Variants in ATG3 observed in about 807,000 individuals in gnomAD.
The protein encoded by ATG3 is ubiquitin-like-conjugating enzyme ATG3.
ATG3 carries 25 observed loss-of-function variants against 50.7 expected under a neutral mutation model. The ratio of observed to expected loss-of-function variants is 0.49; its 90% CI spans 0.36 to 0.69. The LOEUF is 0.69. Ranked by LOEUF, ATG3 falls within the 30% of genes least tolerant of loss-of-function variation. ATG3 has a pLI of 0.00. For synonymous variants in ATG3, 119 were observed against 125.5 expected (o/e 0.95, Z 0.34); for missense variants, 281 against 376.0 (o/e 0.75, Z 2.09).
At chr3:112,544,499 C>T (rs1476240756) in intron 5 of ATG3, among the ~76,000 whole-genome samples, 2 of 151,654 alleles carry the variant, frequency 1.3e-5, no homozygotes, top group African/African-American at 4.8e-5. Context: ...ACTAAAAATA[C>T]AAAAGTTAGC....
chr3:112,540,920 G>A (rs1045158751), intron 7 of ATG3, among the ~76,000 whole-genome samples: 1 of 152,130 alleles, frequency 6.6e-6, no homozygotes, highest in South Asian at 2.1e-4. Flanking sequence ...AGATTATCAT[G>A]CTCATGAAAT....
intron 2 of ATG3, among the ~76,000 whole-genome samples, chr3:112,554,206 G>A (rs1341275700): frequency 2.6e-5 from 4 of 152,142 alleles, no homozygotes; most frequent in Non-Finnish European, 5.9e-5. Flanking sequence ...GCATTGTCAG[G>A]CCTCTGAGCC....
intron 6 of ATG3, among the ~76,000 whole-genome samples, chr3:112,542,301 C>T (rs939610124): frequency 1.3e-5 from 2 of 152,126 alleles, no homozygotes; most frequent in African/African-American, 4.8e-5. Flanking sequence ...AACACTATTA[C>T]ATTCTAATTT....
intron 1 of ATG3, 62 bp downstream of exon 1, chr3:112,561,395 G>A (rs1576734449): frequency 7.8e-6 from 12 of 1,546,982 alleles, no homozygotes; most frequent in Admixed American, 6.7e-5. Context: ...CTCCTGCGGC[G>A]CCTGGTCCCT....
chr3:112,549,421 A>C (rs1424544172), intron 4 of ATG3, among the ~76,000 whole-genome samples: 1 of 152,226 alleles, frequency 6.6e-6, no homozygotes, highest in African/African-American at 2.4e-5. Context: ...ATAATGAGTA[A>C]ATTGGAACAG....
intron 7 of ATG3, 62 bp from the exon 8 acceptor site, chr3:112,538,242 A>C (rs1387790287): frequency 7.8e-7 from 1 of 1,280,706 alleles, no homozygotes; most frequent in Admixed American, 2.4e-5. Context: ...CCCTAAACCA[A>C]TTTAAGTATT....
intron 3 of ATG3, among the ~76,000 whole-genome samples, chr3:112,552,862 G>C (rs1412185910): frequency 6.6e-6 from 1 of 151,980 alleles, no homozygotes; most frequent in Non-Finnish European, 1.5e-5. Context: ...TAGCCAGGAT[G>C]GTCTCCATCT....
At chr3:112,558,088 C>T in intron 2 of ATG3, 1 of 369,534 alleles carries the variant, frequency 2.7e-6, no homozygotes, top group Non-Finnish European at 4.9e-6. Flanking sequence ...CTCAATATAA[C>T]ACCAATACAA....
At chr3:112,548,716 T>C (rs1933441542) in intron 4 of ATG3, 76 bp from the exon 5 acceptor site, 56 of 1,298,314 alleles carry the variant, frequency 4.3e-5, no homozygotes, top group Non-Finnish European at 6.2e-5. Context: ...GAAGAGAGCT[T>C]AGTCCATAAA....
chr3:112,532,876 CA>C (rs1024690377), intron 11 of ATG3, 96 bp from the exon 12 acceptor site: 14 of 1,331,130 alleles, frequency 1.1e-5, no homozygotes, highest in East Asian at 5.6e-5. Context: ...ATTAATTTCT[CA>C]AAAAAACCCC....
rs1424493809 is a variant in ATG3, at chr3:112,550,299, T to C, written c.165-37A>G. ...GTGAAAAGCACCAAAATACAAAACATATTTTAATAGGCAAATATACAGCAG... is the reference window on the plus strand; with the variant it reads ...GTGAAAAGCACCAAAATACAAAACACATTTTAATAGGCAAATATACAGCAG... On this transcript the variant is annotated intron_variant, in intron 3 of 11. Coordinates refer to ENST00000283290, the MANE Select transcript of ATG3 (RefSeq NM_022488.5). The C allele has an allele frequency of 3.4e-6, 5 of 1,474,078 alleles. No individual in the cohort carries two copies. In the East Asian group the frequency reaches 6.8e-5, roughly 20 times the overall value. The allele number at this position is 1,474,078 out of a possible 1,614,324, so 91.3% of individuals were successfully genotyped here.
chr3:112,550,404 C>T (rs1933496843), intron 3 of ATG3, 142 bp from the exon 4 acceptor site: 2 of 640,808 alleles, frequency 3.1e-6, no homozygotes, highest in Admixed American at 6.2e-5. Context: ...GGGAAGGACT[C>T]CATTAAGTAA....
Position 112,544,044 on chromosome 3 carries a change from A to C in ATG3, c.393+13T>G. 6.4e-7 allele frequency: 1 copy of C among 1,561,622 alleles called. No individual in the cohort carries two copies. Among genetic ancestry groups the C allele is most frequent in the East Asian group, 2.2e-5 (1 of 44,516 alleles). ...ACTCATTAAATTTAAAAATATAACT[A>C]ATTAACCAGTACCTTATTTTCCAGT... On this transcript the variant is annotated intron_variant, in intron 6 of 11. Coordinates refer to ENST00000283290, the MANE Select transcript of ATG3 (RefSeq NM_022488.5).
rs200812142 is a variant in ATG3, at chr3:112,544,671, G to T, written c.344-565C>A. 4.0e-4 allele frequency among the ~76,000 whole-genome samples: 12 copies of T among 29,974 alleles called. 1 individual carries two copies. The South Asian group carries it at 0.013, about 32-fold the overall frequency. The allele number at this position is 29,974 out of a possible 152,430, so 19.7% of individuals were successfully genotyped here. ...CTCCGTCTCAGGGAAAAAAAAAAAA[G>T]GAAAGACAAGAGTTTAAAAAAACTA... On this transcript the variant is annotated intron_variant, in intron 5 of 11. Transcript: ENST00000283290.
At position 112,561,766 on chromosome 3, in the gene ATG3, G is replaced by A. The variant is rs1238249251; in HGVS notation, c.-238C>T. The A allele has an allele frequency of 7.8e-6, 4 of 511,620 alleles. No individual in the cohort carries two copies. Among genetic ancestry groups the A allele is most frequent in the South Asian group, 2.4e-5 (1 of 41,806 alleles). The allele number at this position is 511,620 out of a possible 1,614,324, so 31.7% of individuals were successfully genotyped here. A position where few individuals can be genotyped will look rare whatever the true frequency, so the allele number is the denominator to read the frequency against. Reference sequence around the variant, plus strand: ...CACCCCAGGCAGCCCGCGACGGACCGGACCCAGCTGTCACCCAGCCGCGAG... The same window carrying A: ...CACCCCAGGCAGCCCGCGACGGACCAGACCCAGCTGTCACCCAGCCGCGAG... On this transcript the variant is annotated 5_prime_UTR_variant, in exon 1 of 12. Coordinates refer to ENST00000283290, the MANE Select transcript of ATG3 (RefSeq NM_022488.5).
chr3:112,552,795 C>T (rs940391879), intron 3 of ATG3, among the ~76,000 whole-genome samples: 2 of 151,754 alleles, frequency 1.3e-5, no homozygotes, highest in African/African-American at 2.4e-5. Context: ...GGACCACAGA[C>T]GCCTGCCACC....
chr3:112,557,574 C>T (rs964584497), intron 2 of ATG3, among the ~76,000 whole-genome samples: 8 of 151,974 alleles, frequency 5.3e-5, no homozygotes, highest in Non-Finnish European at 7.4e-5. Flanking sequence ...GCCAAGATCG[C>T]GCCACTGTGC....
intron 10 of ATG3, 96 bp from the exon 11 acceptor site, chr3:112,534,433 T>G: frequency 1.1e-6 from 1 of 870,064 alleles, no homozygotes; most frequent in Non-Finnish European, 1.6e-6. Flanking sequence ...ACCCTATTAC[T>G]CTCAGTGAAT....
At chr3:112,561,194 G>A (rs942930457) in intron 1 of ATG3, among the ~76,000 whole-genome samples, 4 of 152,148 alleles carry the variant, frequency 2.6e-5, no homozygotes, top group Non-Finnish European at 5.9e-5. Flanking sequence ...CTTCCAACCC[G>A]ACGTACCCGA....
Sources: gnomAD v4.1 joint callset for allele counts (sites outside exome capture counted in the v4.1 genomes callset) on GRCh38, gnomAD v4.1.1 for gene constraint, MANE v1.5 for transcripts, NCBI Gene and HGNC (gene_info 2026-07-23, HGNC 2026-07-21) for gene names.